KCNU1: variants seen among roughly 807,000 people sequenced by gnomAD.
The protein encoded by KCNU1 is potassium channel subfamily U member 1.
In KCNU1, 93 loss-of-function variants were observed where a neutral mutation model predicts 126.8. The observed-to-expected ratio is 0.73, with a 90% confidence interval of 0.62 to 0.87. The LOEUF (loss-of-function observed/expected upper bound fraction) is 0.87. Ranked by LOEUF, KCNU1 falls within the 40% of genes least tolerant of loss-of-function variation. The pLI is 0.00. For synonymous variants in KCNU1, 523 were observed against 494.2 expected, an observed-to-expected ratio of 1.06 and a Z score of -0.77; for missense variants, 1,330 against 1,367.1, an observed-to-expected ratio of 0.97 and a Z score of 0.43.
At chr8:36,857,639 TG>T (rs901271001) in intron 18 of KCNU1, among the ~76,000 whole-genome samples, 1 of 151,922 alleles carries the variant, frequency 6.6e-6, no homozygotes, top group African/African-American at 2.4e-5. Context: ...TTTGTTTTTT[TG>T]TTTTTGTTTT....
intron 20 of KCNU1, among the ~76,000 whole-genome samples, chr8:36,907,847 T>C (rs1225020295): frequency 1.3e-5 from 2 of 152,224 alleles, no homozygotes; most frequent in African/African-American, 4.8e-5. Flanking sequence ...CTGTACCAGC[T>C]TCTAAATGTC....
At position 36,817,641 on chromosome 8, in the gene KCNU1, G is replaced by C. The variant is rs552344799; in HGVS notation, c.996-9G>C. On this transcript the variant is annotated splice_polypyrimidine_tract_variant and intron_variant, in intron 9 of 26. Coordinates refer to ENST00000399881, the MANE Select transcript of KCNU1 (RefSeq NM_001031836.3). ...CGGATGATCCACCTCACCTGTTTTT[G>C]CTGCCTAGGTTTATTGTGGTCTGTG... 281 of 1,535,282 alleles carry C rather than the reference G, an allele frequency of 1.8e-4. 2 individuals carry two copies. In the East Asian group the frequency reaches 6.3e-3, roughly 34 times the overall value.
intron 18 of KCNU1, among the ~76,000 whole-genome samples, chr8:36,862,709 ACCC>A (rs898051552): frequency 7.2e-5 from 11 of 152,264 alleles, no homozygotes; most frequent in African/African-American, 2.6e-4. Flanking sequence ...GAAAGCACTC[ACCC>A]CTCCCACTTA....
chr8:36,873,204 A>C (rs973872145), intron 19 of KCNU1, among the ~76,000 whole-genome samples: 4 of 152,156 alleles, frequency 2.6e-5, no homozygotes, highest in Admixed American at 2.0e-4. Context: ...CATTCTCCCC[A>C]GGAAGCAATG....
chr8:36,913,284 T>A (rs564548169), intron 22 of KCNU1, among the ~76,000 whole-genome samples: 2 of 152,014 alleles, frequency 1.3e-5, no homozygotes, highest in East Asian at 3.9e-4. Context: ...AGCTGACTGG[T>A]TTTGGGGGAA....
chr8:36,879,096 C>T (rs1180012336), intron 19 of KCNU1, among the ~76,000 whole-genome samples: 1 of 146,970 alleles, frequency 6.8e-6, no homozygotes, highest in African/African-American at 2.5e-5. Flanking sequence ...TGGTTTATGG[C>T]TTGGGTATTT....
intron 20 of KCNU1, among the ~76,000 whole-genome samples, chr8:36,907,106 G>C (rs1221137418): frequency 6.6e-6 from 1 of 152,130 alleles, no homozygotes; most frequent in Non-Finnish European, 1.5e-5. Context: ...CTTTTGTTAA[G>C]TTTAGGATGC....
chr8:36,813,898 G>T (rs1803812716), intron 7 of KCNU1, among the ~76,000 whole-genome samples: 1 of 152,062 alleles, frequency 6.6e-6, no homozygotes, highest in Non-Finnish European at 1.5e-5. Context: ...AGGATGCAAT[G>T]CTTGTGCCCA....
intron 19 of KCNU1, among the ~76,000 whole-genome samples, chr8:36,872,844 G>A (rs1806150769): frequency 6.6e-6 from 1 of 152,178 alleles, no homozygotes; most frequent in South Asian, 2.1e-4. Flanking sequence ...TGGGCTGGGT[G>A]CAGTAGCTCA....
At chr8:36,814,448 T>G in intron 8 of KCNU1, 71 bp downstream of exon 8, 1 of 1,101,706 alleles carries the variant, frequency 9.1e-7, no homozygotes. Flanking sequence ...TGGTAATCAA[T>G]GAAACAATAT....
chr8:36,930,461 C>A (rs1296201831), intron 24 of KCNU1, among the ~76,000 whole-genome samples: 2 of 152,018 alleles, frequency 1.3e-5, no homozygotes, highest in South Asian at 2.1e-4. Flanking sequence ...AATATATGTC[C>A]CTAAGTAGGT....
intron 24 of KCNU1, among the ~76,000 whole-genome samples, chr8:36,929,709 C>T (rs1453806069): frequency 6.6e-6 from 1 of 152,108 alleles, no homozygotes; most frequent in Non-Finnish European, 1.5e-5. Context: ...GATTAACGTG[C>T]CCCAGAGGGG....
intron 21 of KCNU1, among the ~76,000 whole-genome samples, chr8:36,910,541 T>A (rs1038894688): frequency 6.6e-6 from 1 of 152,178 alleles, no homozygotes; most frequent in Admixed American, 6.5e-5. Context: ...CTGTTTGTAC[T>A]AGCAATATTG....
intron 19 of KCNU1, among the ~76,000 whole-genome samples, chr8:36,872,578 A>C (rs1210462869): frequency 6.6e-6 from 1 of 152,134 alleles, no homozygotes; most frequent in Admixed American, 6.6e-5. Flanking sequence ...ATACAATCTC[A>C]TAGAAATGAT....
intron 10 of KCNU1, among the ~76,000 whole-genome samples, chr8:36,828,688 T>C (rs541835105): frequency 1.3e-5 from 2 of 152,244 alleles, no homozygotes; most frequent in South Asian, 2.1e-4. Flanking sequence ...CAATTGGAAA[T>C]AGTTTTGTTG....
chr8:36,886,969 T>C (rs1806728300), intron 19 of KCNU1, among the ~76,000 whole-genome samples: 1 of 152,142 alleles, frequency 6.6e-6, no homozygotes, highest in South Asian at 2.1e-4. Flanking sequence ...TGTGACAAAA[T>C]ACATTATTTT....
In KCNU1 at chr8:36,925,869, G is replaced by A. The variant is rs1414085595; in HGVS notation, c.2736+3240G>A. On this transcript the variant is annotated intron_variant, in intron 24 of 26. Transcript: ENST00000399881. ...AGCATCTCCTGGCTGAGGGTTGGTA[G>A]GAAGGCAATGACCTCGATCTCCCCA... Among the ~76,000 whole-genome samples, 3 of 152,212 alleles carry A rather than the reference G, an allele frequency of 2.0e-5. No homozygotes were observed. The East Asian group carries it at 5.8e-4, about 29-fold the overall frequency.
chr8:36,863,769 C>T (rs1249290386), intron 18 of KCNU1, among the ~76,000 whole-genome samples: 1 of 152,054 alleles, frequency 6.6e-6, no homozygotes, highest in Non-Finnish European at 1.5e-5. Flanking sequence ...CTTCATGGTG[C>T]TCATTGAATC....
At chr8:36,800,811 A>T (rs376296875) in intron 2 of KCNU1, among the ~76,000 whole-genome samples, 3 of 152,250 alleles carry the variant, frequency 2.0e-5, no homozygotes, top group Admixed American at 6.5e-5. Context: ...TGACAACAGT[A>T]TAGGTTTGAA....
Sources: gnomAD v4.1 joint callset for allele counts (sites outside exome capture counted in the v4.1 genomes callset) on GRCh38, gnomAD v4.1.1 for gene constraint, MANE v1.5 for transcripts, NCBI Gene and HGNC (gene_info 2026-07-23, HGNC 2026-07-21) for gene names.